FOXP1: variants seen among roughly 807,000 people sequenced by gnomAD.
The protein encoded by FOXP1 is forkhead box P1, also known as forkhead box protein P1.
In FOXP1, 15 loss-of-function variants were observed where a neutral mutation model predicts 98.2. The ratio of observed to expected loss-of-function variants is 0.15; its 90% confidence interval spans 0.10 to 0.24. FOXP1 has a LOEUF of 0.24. Among genes scored for constraint, FOXP1 ranks in the 10% least tolerant of loss-of-function variants. The pLI is 1.00. For synonymous variants in FOXP1, 371 were observed against 314.5 expected (o/e 1.18, Z -1.90); for missense variants, 633 against 848.5 (o/e 0.75, Z 3.15).
At chr3:71,415,712 T>A (rs2083161292) in intron 3 of FOXP1, among the ~76,000 whole-genome samples, 1 of 152,022 alleles carries the variant, frequency 6.6e-6, no homozygotes, top group Non-Finnish European at 1.5e-5. Flanking sequence ...CTTTTTTTTT[T>A]TTTTTCTATT....
At chr3:70,960,456 G>T (rs534729283) in intron 20 of FOXP1, among the ~76,000 whole-genome samples, 1 of 152,264 alleles carries the variant, frequency 6.6e-6, no homozygotes, top group South Asian at 2.1e-4. Context: ...AAACCGCTCG[G>T]ATAACTATTG....
chr3:71,191,057 T>C (rs2062948956), intron 6 of FOXP1, among the ~76,000 whole-genome samples: 1 of 152,246 alleles, frequency 6.6e-6, no homozygotes, highest in Non-Finnish European at 1.5e-5. Context: ...GTAACCCTTT[T>C]TATCAAGTAA....
intron 6 of FOXP1, among the ~76,000 whole-genome samples, chr3:71,119,794 G>C (rs1401420189): frequency 2.0e-5 from 3 of 152,004 alleles, no homozygotes; most frequent in Non-Finnish European, 4.4e-5. Flanking sequence ...GGTTGTGACT[G>C]ACTTAAAAAA....
chr3:71,303,424 G>A (rs935288225), intron 4 of FOXP1, among the ~76,000 whole-genome samples: 1 of 152,096 alleles, frequency 6.6e-6, no homozygotes, highest in African/African-American at 2.4e-5. Flanking sequence ...GAAGGAACAT[G>A]GTTCAAACTT....
At chr3:71,533,846 A>AC (rs1351772029) in intron 2 of FOXP1, among the ~76,000 whole-genome samples, 1 of 152,186 alleles carries the variant, frequency 6.6e-6, no homozygotes, top group African/African-American at 2.4e-5. Context: ...ACAGAACTCA[A>AC]CATTTCTTTG....
chr3:71,223,689 G>A (rs1376698793), intron 5 of FOXP1, among the ~76,000 whole-genome samples: 2 of 112,714 alleles, frequency 1.8e-5, no homozygotes, highest in East Asian at 2.8e-4. Flanking sequence ...GCGAGACTAC[G>A]TCTCAAAAAA....
intron 5 of FOXP1, among the ~76,000 whole-genome samples, chr3:71,298,281 A>G (rs1317199221): frequency 2.0e-5 from 3 of 151,982 alleles, no homozygotes; most frequent in Admixed American, 6.6e-5. Context: ...CCTGACCAAC[A>G]TGGTGAAACC....
chr3:71,509,422 C>A (rs918344759), intron 2 of FOXP1, among the ~76,000 whole-genome samples: 1 of 152,120 alleles, frequency 6.6e-6, no homozygotes, highest in Admixed American at 6.5e-5. Flanking sequence ...ATTAGGATAC[C>A]AGTCACACTG....
At chr3:70,970,986 C>G in intron 18 of FOXP1, 181 bp from the exon 19 acceptor site, 2 of 627,508 alleles carry the variant, frequency 3.2e-6, no homozygotes, top group Admixed American at 2.3e-5. Context: ...GTGTGCACAC[C>G]TCTGGGGTTG....
intron 11 of FOXP1, among the ~76,000 whole-genome samples, chr3:71,021,174 T>C (rs2107793170): frequency 6.6e-6 from 1 of 152,312 alleles, no homozygotes; most frequent in African/African-American, 2.4e-5. Context: ...AAAGAAATCC[T>C]GTACCCATTA....
At chr3:71,197,663 ACT>A (rs2063376202) in intron 6 of FOXP1, among the ~76,000 whole-genome samples, 3 of 152,104 alleles carry the variant, frequency 2.0e-5, no homozygotes, top group African/African-American at 7.2e-5. Flanking sequence ...CCCAAATCCT[ACT>A]CGTAGAGGGA....
At chr3:70,982,241 T>C (rs182095457) in intron 14 of FOXP1, among the ~76,000 whole-genome samples, 17 of 152,374 alleles carry the variant, frequency 1.1e-4, no homozygotes, top group Admixed American at 9.1e-4. Context: ...TGCTGTAATC[T>C]TGAAATATTC....
At chr3:71,035,739 AAAAT>A (rs1244522190) in intron 11 of FOXP1, among the ~76,000 whole-genome samples, 1 of 152,230 alleles carries the variant, frequency 6.6e-6, no homozygotes, top group Non-Finnish European at 1.5e-5. Flanking sequence ...ATTTCAAATC[AAAAT>A]AAATACAAAT....
At chr3:70,971,920 T>G (rs1273651225) in intron 18 of FOXP1, 1 of 1,042,640 alleles carries the variant, frequency 9.6e-7, no homozygotes, top group Non-Finnish European at 1.3e-6. Context: ...GCACTGCTAT[T>G]GGTGAAATGC....
At position 70,965,879 on chromosome 3, in the gene FOXP1, A is replaced by C. The variant is rs774095805; in HGVS notation, c.1889+11T>G. 10 of 1,613,460 alleles carry C rather than the reference A, an allele frequency of 6.2e-6. No homozygotes were observed. In the South Asian group the frequency reaches 1.1e-4, roughly 18 times the overall value. On this transcript the variant is annotated intron_variant, in intron 20 of 20. Transcript: ENST00000649528. ...CAGATAGCAAAGACCTGTTGGGTGG[A>C]CAATACTCACACGGCTTGCATAGGA... is the stretch of plus-strand genomic sequence containing the variant.
chr3:71,535,241 A>G (rs1348514789), intron 2 of FOXP1, among the ~76,000 whole-genome samples: 1 of 152,162 alleles, frequency 6.6e-6, no homozygotes, highest in Non-Finnish European at 1.5e-5. Context: ...AACCATAAGC[A>G]ATTTTCATCT....
intron 2 of FOXP1, among the ~76,000 whole-genome samples, chr3:71,578,599 C>G (rs1032882189): frequency 5.3e-5 from 8 of 152,164 alleles, no homozygotes; most frequent in Non-Finnish European, 7.4e-5. Flanking sequence ...ATAAGATTGG[C>G]TGCAAAGAGG....
chr3:71,378,841 C>T (rs1384844133), intron 3 of FOXP1, among the ~76,000 whole-genome samples: 2 of 151,478 alleles, frequency 1.3e-5, no homozygotes, highest in East Asian at 1.9e-4. Flanking sequence ...AAACATAGCC[C>T]CTATAGGGTT....
At chr3:71,052,386 G>T in intron 9 of FOXP1, 151 bp downstream of exon 9, 1 of 683,506 alleles carries the variant, frequency 1.5e-6, no homozygotes, top group Non-Finnish European at 2.7e-6. Context: ...AAATCTGAGT[G>T]AAAACAGGAC....
Sources: gnomAD v4.1 joint callset for allele counts (sites outside exome capture counted in the v4.1 genomes callset) on GRCh38, gnomAD v4.1.1 for gene constraint, MANE v1.5 for transcripts, NCBI Gene and HGNC (gene_info 2026-07-23, HGNC 2026-07-21) for gene names.